IL1RAPL1: variants seen among roughly 807,000 people sequenced by gnomAD.
The protein encoded by IL1RAPL1 is interleukin 1 receptor accessory protein like 1, also known as interleukin-1 receptor accessory protein-like 1.
A neutral mutation model predicts 48.4 loss-of-function variants in IL1RAPL1; 3 were observed. The observed-to-expected ratio is 0.06, with a 90% CI of 0.03 to 0.16. The LOEUF (loss-of-function observed/expected upper bound fraction) is 0.16, where lower values mean the gene tolerates loss of function less well. Ranked by LOEUF, IL1RAPL1 falls within the 10% of genes least tolerant of loss-of-function variation. The pLI is 1.00. For synonymous variants in IL1RAPL1, 185 were observed against 187.7 expected, an observed-to-expected ratio of 0.99 and a Z score of 0.12; for missense variants, 349 against 530.6, an observed-to-expected ratio of 0.66 and a Z score of 3.36.
At position 29,453,327 on chromosome X, in the gene IL1RAPL1, T is replaced by C. The variant is rs73213971; in HGVS notation, c.703+54019T>C. Reference sequence around the variant, plus strand: ...AAAGGTAGTTTTACTTCACATACAATATGTGAAGTAAAATGTAGTTTTGGT... The same window carrying C: ...AAAGGTAGTTTTACTTCACATACAACATGTGAAGTAAAATGTAGTTTTGGT... On this transcript the variant is annotated intron_variant, in intron 5 of 10. Transcript: ENST00000378993. Among the ~76,000 whole-genome samples, 755 of 110,659 alleles carry C rather than the reference T, an allele frequency of 6.8e-3. 3 individuals are homozygous for C. The highest frequency in any genetic ancestry group is 0.01 in the Non-Finnish European group (546 of 52,842).
chrX:29,060,176 A>G (rs1210763476), intron 2 of IL1RAPL1, among the ~76,000 whole-genome samples: 1 of 111,863 alleles, frequency 8.9e-6, no homozygotes, highest in Middle Eastern at 4.2e-3. Flanking sequence ...GTAGTTAAGA[A>G]CCATTGTATA....
chrX:29,688,741 T>C (rs12557435), intron 6 of IL1RAPL1, among the ~76,000 whole-genome samples: 2 of 70,474 alleles, frequency 2.8e-5, no homozygotes, highest in Non-Finnish European at 3.0e-5. Flanking sequence ...TCTCTCTCTC[T>C]CTCTCTCTCT....
At chrX:29,615,082 T>A in intron 5 of IL1RAPL1, among the ~76,000 whole-genome samples, 1 of 112,235 alleles carries the variant, frequency 8.9e-6, no homozygotes, top group East Asian at 2.8e-4. Flanking sequence ...ACTAAATTAA[T>A]CACTACCTCC....
rs765519437 is a variant in IL1RAPL1 at position 29,222,911 on chromosome X, G to A, written c.83-60027G>A. Among the ~76,000 whole-genome samples the A allele has an allele frequency of 4.5e-5, 5 of 111,234 alleles. No homozygotes were observed. In the South Asian group the frequency reaches 1.9e-3, roughly 42 times the overall value. ...AAACAAGACTCGGATTGTCTCCTATGGTTTCTGGTCACAAAACAGATAAAA... is the reference window on the plus strand; with the variant it reads ...AAACAAGACTCGGATTGTCTCCTATAGTTTCTGGTCACAAAACAGATAAAA... On this transcript the variant is annotated intron_variant, in intron 2 of 10. Coordinates refer to ENST00000378993, the MANE Select transcript of IL1RAPL1 (RefSeq NM_014271.4).
At chrX:28,923,140 G>T (rs754295736) in intron 2 of IL1RAPL1, among the ~76,000 whole-genome samples, 1 of 111,724 alleles carries the variant, frequency 9.0e-6, no homozygotes, top group Non-Finnish European at 1.9e-5. Context: ...CAAAGCTCAT[G>T]GAATGGTACA....
intron 3 of IL1RAPL1, among the ~76,000 whole-genome samples, chrX:29,307,290 G>C (rs772865440): frequency 4.5e-5 from 5 of 112,123 alleles, no homozygotes; most frequent in African/African-American, 1.3e-4. Context: ...CCCTTGTCAA[G>C]TACTGATCAA....
Position 29,088,672 on chromosome X carries a change from CAAAAAAAAAAAAAA to C in IL1RAPL1, c.83-194256_83-194243del, listed in dbSNP as rs1182451817. ...CATGGGCAAGAGTGACACTCCTTCT[CAAAAAAAAAAAAAA>C]AAAAAAAAAGAAAAGAAAAATGCAC... On this transcript the variant is annotated intron_variant, in intron 2 of 10. Transcript: ENST00000378993. Among the ~76,000 whole-genome samples, 5 of 32,885 alleles carry C rather than the reference CAAAAAAAAAAAAAA, an allele frequency of 1.5e-4. No homozygotes were observed. In the Admixed American group the frequency reaches 1.7e-3, roughly 11 times the overall value. 28.6% of individuals were successfully genotyped at this position (32,885 alleles called of 115,157 possible). A position where few individuals can be genotyped will look rare whatever the true frequency, so the allele number is the denominator to read the frequency against.
intron 6 of IL1RAPL1, among the ~76,000 whole-genome samples, chrX:29,689,640 A>G (rs1438661394): frequency 8.9e-6 from 1 of 112,032 alleles, no homozygotes; most frequent in Admixed American, 9.5e-5. Context: ...TGAAGTATTA[A>G]TAGAAAGACA....
At position 28,779,658 on chromosome X, in the gene IL1RAPL1, A is replaced by G. The variant is rs1438171997; in HGVS notation, c.-24-9662A>G. Among the ~76,000 whole-genome samples the G allele has an allele frequency of 6.0e-4, 53 of 87,720 alleles. 2 individuals are homozygous for G. In the East Asian group the frequency reaches 9.7e-3, roughly 16 times the overall value. 76.2% of individuals were successfully genotyped at this position (87,720 alleles called of 115,157 possible). ...TGTATATATATATATATATATATAT[A>G]TATATATATATATATATATAGAATG... On this transcript the variant is annotated intron_variant, in intron 1 of 10. Coordinates refer to ENST00000378993, the MANE Select transcript of IL1RAPL1 (RefSeq NM_014271.4).
At chrX:29,085,246 G>A (rs894803596) in intron 2 of IL1RAPL1, among the ~76,000 whole-genome samples, 1 of 111,508 alleles carries the variant, frequency 9.0e-6, no homozygotes, top group Admixed American at 9.6e-5. Flanking sequence ...TTGGTCAGTT[G>A]TGAGAAAGAG....
At chrX:29,885,728 A>T (rs1416361349) in intron 6 of IL1RAPL1, among the ~76,000 whole-genome samples, 1 of 111,589 alleles carries the variant, frequency 9.0e-6, no homozygotes, top group Admixed American at 9.5e-5. Flanking sequence ...CTGAGGCGGG[A>T]GGTTCACTTG....
At chrX:29,333,919 C>T (rs1202932750) in intron 3 of IL1RAPL1, among the ~76,000 whole-genome samples, 60 of 69,452 alleles carry the variant, frequency 8.6e-4, no homozygotes, top group African/African-American at 1.4e-3. Context: ...GCTGGCCAGG[C>T]GGGGGGCTGA....
chrX:29,643,579 G>C (rs1275733857), intron 5 of IL1RAPL1, among the ~76,000 whole-genome samples: 2 of 112,033 alleles, frequency 1.8e-5, no homozygotes, highest in Non-Finnish European at 3.8e-5. Context: ...TTACTCCTAA[G>C]AGATAATTAG....
intron 6 of IL1RAPL1, among the ~76,000 whole-genome samples, chrX:29,860,357 G>C (rs1931552457): frequency 8.9e-6 from 1 of 111,786 alleles, no homozygotes; most frequent in South Asian, 3.8e-4. Context: ...TTTTAAGTTA[G>C]AATTAAATTT....
intron 1 of IL1RAPL1, among the ~76,000 whole-genome samples, chrX:28,669,504 G>A (rs1043981478): frequency 2.8e-5 from 3 of 107,932 alleles, no homozygotes; most frequent in East Asian, 5.8e-4. Context: ...CTGTAATCCC[G>A]GCTACTCAGG....
At chrX:29,079,855 A>T (rs1335670018) in intron 2 of IL1RAPL1, among the ~76,000 whole-genome samples, 3 of 111,578 alleles carry the variant, frequency 2.7e-5, no homozygotes, top group Non-Finnish European at 5.6e-5. Context: ...AGTCATGAGC[A>T]ACTTCACTTA....
chrX:28,726,566 A>G (rs747643242), intron 1 of IL1RAPL1, among the ~76,000 whole-genome samples: 13 of 112,149 alleles, frequency 1.2e-4, no homozygotes, highest in Admixed American at 4.7e-4. Context: ...AAAAAATACG[A>G]TAAATTGAAA....
At chrX:29,755,918 G>A (rs1305566328) in intron 6 of IL1RAPL1, among the ~76,000 whole-genome samples, 2 of 111,823 alleles carry the variant, frequency 1.8e-5, no homozygotes, top group Non-Finnish European at 1.9e-5. Context: ...TAAGATCACT[G>A]GCTTTAGCAT....
chrX:29,232,327 A>T (rs1445999363), intron 2 of IL1RAPL1, among the ~76,000 whole-genome samples: 1 of 112,248 alleles, frequency 8.9e-6, no homozygotes, highest in East Asian at 2.8e-4. Flanking sequence ...GGACATAAAT[A>T]TAGGCTAGTA....
Sources: gnomAD v4.1 joint callset for allele counts (sites outside exome capture counted in the v4.1 genomes callset) on GRCh38, gnomAD v4.1.1 for gene constraint, MANE v1.5 for transcripts, NCBI Gene and HGNC (gene_info 2026-07-23, HGNC 2026-07-21) for gene names.